The following DROSHA variants were observed in gnomAD, a reference collection of about 807,000 sequenced individuals.
DROSHA encodes drosha ribonuclease III.
A neutral mutation model predicts 181.9 loss-of-function variants in DROSHA; 56 were observed. The observed-to-expected ratio is 0.31, with a 90% CI of 0.25 to 0.38. DROSHA has a LOEUF of 0.38. Ranked by LOEUF, DROSHA falls within the 10% of genes least tolerant of loss-of-function variation. DROSHA has a pLI of 1.00. For synonymous variants in DROSHA, 524 were observed against 591.2 expected (o/e 0.89, Z 1.65); for missense variants, 1,218 against 1,743.5 (o/e 0.70, Z 5.37).
In DROSHA at chr5:31,401,304, A is replaced by T; in HGVS notation, c.*128T>A. The T allele has an allele frequency of 7.9e-7, 1 of 1,271,334 alleles. No homozygotes were observed. The highest frequency in any genetic ancestry group is 1.1e-6 in the Non-Finnish European group (1 of 883,410). The allele number at this position is 1,271,334 out of a possible 1,614,324, so 78.8% of individuals were successfully genotyped here. A position where few individuals can be genotyped will look rare whatever the true frequency, so the allele number is the denominator to read the frequency against. ...ACAGATCATTAAAACAACAATAGCG[A>T]TTTGACTCTGTATTTTATTTCAATG... On this transcript the variant is annotated 3_prime_UTR_variant, in exon 36 of 36. Coordinates refer to ENST00000344624, the MANE Select transcript of DROSHA (RefSeq NM_001382508.1).
rs113934738 is a variant in DROSHA at position 31,465,309 on chromosome 5, A to G, written c.2466+873T>C. 2.6e-5 allele frequency among the ~76,000 whole-genome samples: 4 copies of G among 152,348 alleles called. 1 individual carries two copies. Among genetic ancestry groups the G allele is most frequent in the African/African-American group, 9.6e-5 (4 of 41,592 alleles). On this transcript the variant is annotated intron_variant, in intron 19 of 35. Coordinates refer to ENST00000344624, the MANE Select transcript of DROSHA (RefSeq NM_001382508.1). Reference sequence around the variant, plus strand: ...TAAAACGTAAGTTATCCTGGATTACAGGGATAATACTACCCATTAGTAAGG... The same window carrying G: ...TAAAACGTAAGTTATCCTGGATTACGGGGATAATACTACCCATTAGTAAGG...
intron 10 of DROSHA, among the ~76,000 whole-genome samples, chr5:31,507,182 C>T (rs934786822): frequency 3.9e-5 from 6 of 152,094 alleles, no homozygotes; most frequent in Admixed American, 2.6e-4. Context: ...CTAGGCAGGC[C>T]AGGCGCAGTG....
intron 15 of DROSHA, among the ~76,000 whole-genome samples, chr5:31,484,359 C>T (rs192790682): frequency 0.071 from 8,103 of 113,638 alleles, 485 homozygotes; most frequent in East Asian, 0.17. Flanking sequence ...CCGGCCTGGG[C>T]GACAGAGCGA....
At chr5:31,405,757 T>C (rs1740565565) in intron 34 of DROSHA, 34 bp from the exon 35 acceptor site, 6 of 1,243,148 alleles carry the variant, frequency 4.8e-6, no homozygotes, top group Non-Finnish European at 6.6e-6. Context: ...CATACTTTAA[T>C]TTCAAGATTC....
chr5:31,525,995 C>G, intron 5 of DROSHA, 84 bp downstream of exon 5: 21 of 1,331,570 alleles, frequency 1.6e-5, no homozygotes, highest in Non-Finnish European at 2.1e-5. Context: ...CCTACTGGAT[C>G]CTTTTGGTTT....
At chr5:31,427,378 G>A (rs1479064485) in intron 27 of DROSHA, among the ~76,000 whole-genome samples, 1 of 152,090 alleles carries the variant, frequency 6.6e-6, no homozygotes, top group African/African-American at 2.4e-5. Context: ...AGCAAAACTG[G>A]GGCTGAAAGA....
Position 31,436,741 on chromosome 5 carries a change from AACACACACACACACACACACACACAC to A in DROSHA, c.2942+472_2942+497del, listed in dbSNP as rs58046266. The stretch of plus-strand genomic sequence containing the variant: ...GGATCCTAAAACACTTCTGGAGAGA[AACACACACACACACACACACACACAC>A]ACACACACACACACACACACACACA... On this transcript the variant is annotated intron_variant, in intron 24 of 35. Transcript: ENST00000344624. Among the ~76,000 whole-genome samples, 739 of 137,790 alleles carry A rather than the reference AACACACACACACACACACACACACAC, an allele frequency of 5.4e-3. 8 individuals are homozygous for A. Among genetic ancestry groups the A allele is most frequent in the African/African-American group, 0.019 (696 of 37,074 alleles). The allele number at this position is 137,790 out of a possible 152,430, so 90.4% of individuals were successfully genotyped here. A position where few individuals can be genotyped will look rare whatever the true frequency, so the allele number is the denominator to read the frequency against.
rs999494986 is a variant in DROSHA at position 31,526,568 on chromosome 5, G to A, written c.365C>T (p.Pro122Leu). The A allele has an allele frequency of 5.2e-6, 8 of 1,530,680 alleles. No homozygotes were observed. The African/African-American group carries it at 8.3e-5, about 16-fold the overall frequency. The allele number at this position is 1,530,680 out of a possible 1,614,324, so 94.8% of individuals were successfully genotyped here. A position where few individuals can be genotyped will look rare whatever the true frequency, so the allele number is the denominator to read the frequency against. The part of the protein sequence containing the change: ...PVPPCFPPMP[P>L]PMPCPNNPPV... ...GGGGTTATTAGGACAAGGCATTGGT[G>A]GTGGCATGGGAGGAAAACAAGGAGG... is the stretch of plus-strand genomic sequence containing the variant. The change falls in exon 5 of 36, where the codon CCA becomes CTA. Residue 122 changes from proline to leucine, a missense_variant. By Grantham distance (98) the Pro-to-Leu change is moderately conservative (BLOSUM62 -3). Coordinates refer to ENST00000344624, the MANE Select transcript of DROSHA (RefSeq NM_001382508.1).
rs77484603 is a variant in DROSHA at position 31,531,912 on chromosome 5, A to C, written c.-250+78T>G. The C allele has an allele frequency of 9.2e-3, 1,448 of 157,646 alleles. 10 individuals carry two copies. Among genetic ancestry groups the C allele is most frequent in the Admixed American group, 0.014 (219 of 16,008 alleles). 9.8% of individuals were successfully genotyped at this position (157,646 alleles called of 1,614,324 possible). ...CCAATTCCCGGACGCTTTTCACCCC[A>C]GCCCCGGAGACTCCAGCCCCGTTTA... On this transcript the variant is annotated intron_variant, in intron 1 of 35. Coordinates refer to ENST00000344624, the MANE Select transcript of DROSHA (RefSeq NM_001382508.1).
intron 16 of DROSHA, among the ~76,000 whole-genome samples, chr5:31,473,283 G>A (rs1749962816): frequency 6.6e-6 from 1 of 152,212 alleles, no homozygotes; most frequent in Admixed American, 6.5e-5. Flanking sequence ...AGTTTAATGT[G>A]AATTGCTGTG....
At chr5:31,415,057 C>A (rs185889586) in intron 30 of DROSHA, among the ~76,000 whole-genome samples, 1 of 152,266 alleles carries the variant, frequency 6.6e-6, no homozygotes, top group Non-Finnish European at 1.5e-5. Context: ...TCTATTATGC[C>A]AGCATAGCAG....
intron 20 of DROSHA, among the ~76,000 whole-genome samples, chr5:31,459,115 C>T (rs764295124): frequency 4.6e-5 from 7 of 152,112 alleles, no homozygotes; most frequent in Non-Finnish European, 8.8e-5. Flanking sequence ...AAAATGTAAA[C>T]ATTGACTAGG....
chr5:31,484,496 C>CGTGTGCGT (rs1751503758), intron 15 of DROSHA, among the ~76,000 whole-genome samples: 1 of 7,976 alleles, frequency 1.3e-4, no homozygotes, highest in African/African-American at 2.2e-4. Flanking sequence ...TAAGTGTCTG[C>CGTGTGCGT]GTGTGTGCAT....
chr5:31,458,580 C>T (rs1351131032), intron 20 of DROSHA, among the ~76,000 whole-genome samples: 1 of 152,170 alleles, frequency 6.6e-6, no homozygotes, highest in Non-Finnish European at 1.5e-5. Flanking sequence ...AGAGTCCTCA[C>T]CACCAGCTAT....
intron 30 of DROSHA, among the ~76,000 whole-genome samples, chr5:31,413,096 C>T (rs1741519129): frequency 6.6e-6 from 1 of 152,212 alleles, no homozygotes; most frequent in Non-Finnish European, 1.5e-5. Flanking sequence ...CCAGGCCCCA[C>T]CTGCCACCTT....
At chr5:31,507,597 C>T (rs1738140762) in intron 10 of DROSHA, among the ~76,000 whole-genome samples, 1 of 151,756 alleles carries the variant, frequency 6.6e-6, no homozygotes, top group East Asian at 1.9e-4. Context: ...GCCGGGGCAA[C>T]AGTGTGAGAC....
rs1163591723 is a variant in DROSHA at position 31,470,435 on chromosome 5, G to A, written c.2241+1628C>T. Among the ~76,000 whole-genome samples the A allele has an allele frequency of 2.0e-5, 3 of 151,950 alleles. No individual in the cohort carries two copies. Among genetic ancestry groups the A allele is most frequent in the Non-Finnish European group, 2.9e-5 (2 of 68,020 alleles). On this transcript the variant is annotated intron_variant, in intron 17 of 35. Transcript: ENST00000344624. The surrounding 1 kb of genome is among the most constrained non-coding windows in gnomAD (Gnocchi z 4.0). ...TGGGCAAGCATCATACATTAGTTTGGTGCAAAAATAGTTGCGGTATGGCAG... is the reference window on the plus strand; with the variant it reads ...TGGGCAAGCATCATACATTAGTTTGATGCAAAAATAGTTGCGGTATGGCAG...
chr5:31,410,729 A>G lies in DROSHA; in HGVS notation c.3667+17T>C. 4 of 1,608,786 alleles carry G rather than the reference A, an allele frequency of 2.5e-6. No individual in the cohort carries two copies. Among genetic ancestry groups the G allele is most frequent in the Non-Finnish European group, 3.4e-6 (4 of 1,177,704 alleles). On this transcript the variant is annotated intron_variant, in intron 31 of 35. Coordinates refer to ENST00000344624, the MANE Select transcript of DROSHA (RefSeq NM_001382508.1). ...ACTCTGAACCTGGAGGTTGAGAGAA[A>G]AGTGTGTGGCACTCACATTCCAAAA...
At chr5:31,419,062 T>G (rs1164930261) in intron 30 of DROSHA, among the ~76,000 whole-genome samples, 2 of 152,188 alleles carry the variant, frequency 1.3e-5, no homozygotes, top group Non-Finnish European at 2.9e-5. Flanking sequence ...GACTGTTTAT[T>G]AGCTGTGAGA....
Sources: allele counts gnomAD v4.1 joint callset (sites outside exome capture counted in the v4.1 genomes callset), GRCh38; gene constraint gnomAD v4.1.1; non-coding constraint Gnocchi (gnomAD v3.1); transcripts MANE v1.5; gene names NCBI Gene and HGNC (gene_info 2026-07-23, HGNC 2026-07-21).